Variants in AOPEP observed in about 807,000 individuals in gnomAD.
The protein encoded by AOPEP is aminopeptidase O (putative).
A neutral mutation model predicts 98.1 loss-of-function variants in AOPEP; 77 were observed. That is an observed-to-expected ratio of 0.78 (90% CI 0.65 to 0.95). The LOEUF is 0.95. AOPEP is among the 40% of genes least tolerant of loss of function. The pLI is 0.00. For missense variants in AOPEP, 1,024 were observed against 1,024.7 expected (o/e 1.00, Z 0.01); for synonymous variants, 346 against 365.3 (o/e 0.95, Z 0.60).
At chr9:95,136,515 CG>C in the AOPEP span, among the ~76,000 whole-genome samples, 1 of 151,908 alleles carries the variant, frequency 6.6e-6, no homozygotes, top group African/African-American at 2.4e-5. Flanking sequence ...GATGCAAAGT[CG>C]TGCTCTCTCA....
the AOPEP span, chr9:95,117,292 G>A: frequency 4.4e-6 from 7 of 1,608,056 alleles, no homozygotes; most frequent in Non-Finnish European, 6.0e-6. Context: ...ATTCTGATGT[G>A]GGCAAAGTCA....
chr9:94,992,670 C>T (rs1226504400), intron 11 of AOPEP, among the ~76,000 whole-genome samples: 3 of 152,162 alleles, frequency 2.0e-5, no homozygotes, highest in Non-Finnish European at 4.4e-5. Flanking sequence ...TAGCAGTGGG[C>T]GAGCCACTTG....
At chr9:95,017,824 G>C (rs1440302432) in intron 13 of AOPEP, among the ~76,000 whole-genome samples, 1 of 152,150 alleles carries the variant, frequency 6.6e-6, no homozygotes, top group Admixed American at 6.5e-5. Flanking sequence ...CTAGCCCCAG[G>C]CAAGTACTAG....
intron 14 of AOPEP, among the ~76,000 whole-genome samples, chr9:95,077,122 G>A (rs1222124028): frequency 6.6e-6 from 1 of 152,144 alleles, no homozygotes; most frequent in Non-Finnish European, 1.5e-5. Flanking sequence ...CCCTGCAGAC[G>A]GCCCTCTGTG....
chr9:94,844,130 A>G (rs953650088), intron 5 of AOPEP, among the ~76,000 whole-genome samples: 15 of 152,162 alleles, frequency 9.9e-5, no homozygotes, highest in African/African-American at 3.6e-4. Context: ...ATCTCGGCTC[A>G]CTGCAACCTC....
intron 7 of AOPEP, among the ~76,000 whole-genome samples, chr9:94,937,035 C>T (rs1317244647): frequency 6.6e-6 from 1 of 152,148 alleles, no homozygotes; most frequent in South Asian, 2.1e-4. Flanking sequence ...ATGGAGGCTT[C>T]GTTATACAGA....
intron 2 of AOPEP, among the ~76,000 whole-genome samples, chr9:94,761,297 A>G (rs1346671244): frequency 6.6e-6 from 1 of 152,232 alleles, no homozygotes; most frequent in Non-Finnish European, 1.5e-5. Flanking sequence ...ACCTTGCTCT[A>G]ACAATTGTTC....
At chr9:95,000,137 GACA>G (rs2061472554) in intron 11 of AOPEP, among the ~76,000 whole-genome samples, 1 of 152,064 alleles carries the variant, frequency 6.6e-6, no homozygotes, top group Admixed American at 6.6e-5. Context: ...AAAAAACAAT[GACA>G]ACAACAACTA....
chr9:94,979,755 T>TG (rs11394969), intron 11 of AOPEP, among the ~76,000 whole-genome samples: 11,782 of 150,482 alleles, frequency 0.078, 1,151 homozygotes, highest in African/African-American at 0.23. Context: ...GGGCAGGTGG[T>TG]GGGGGGGCAG....
chr9:95,016,328 A>G (rs1251254409), intron 13 of AOPEP, among the ~76,000 whole-genome samples: 3 of 143,756 alleles, frequency 2.1e-5, no homozygotes, highest in African/African-American at 7.8e-5. Flanking sequence ...CTGCAACGTC[A>G]GCCTCCCGGG....
chr9:95,000,168 GA>G (rs1294778979), intron 11 of AOPEP, among the ~76,000 whole-genome samples: 1 of 152,124 alleles, frequency 6.6e-6, no homozygotes, highest in East Asian at 1.9e-4. Context: ...ATTTAAGAGA[GA>G]GACAAAATGG....
the AOPEP span, among the ~76,000 whole-genome samples, chr9:95,094,603 GATTTC>G: frequency 4.6e-5 from 7 of 152,196 alleles, no homozygotes; most frequent in Non-Finnish European, 8.8e-5. Context: ...ATGTCTGGCT[GATTTC>G]ATTTAACATA....
At chr9:94,847,506 A>G (rs1588518379) in intron 5 of AOPEP, among the ~76,000 whole-genome samples, 1 of 152,224 alleles carries the variant, frequency 6.6e-6, no homozygotes, top group African/African-American at 2.4e-5. Flanking sequence ...TATTCTGTCA[A>G]TACGTTGTTA....
At chr9:94,741,575 C>G (rs961220242) in intron 1 of AOPEP, among the ~76,000 whole-genome samples, 7 of 152,112 alleles carry the variant, frequency 4.6e-5, no homozygotes, top group Admixed American at 4.6e-4. Context: ...CCGGCCTTCC[C>G]CCTTCTTTTT....
chr9:94,914,637 G>C (rs1242018166), intron 5 of AOPEP, among the ~76,000 whole-genome samples: 1 of 151,202 alleles, frequency 6.6e-6, no homozygotes, highest in Non-Finnish European at 1.5e-5. Context: ...AATTTTTAAT[G>C]TAATGTCAAA....
intron 3 of AOPEP, among the ~76,000 whole-genome samples, chr9:94,780,498 A>G (rs1449329806): frequency 6.6e-6 from 1 of 152,206 alleles, no homozygotes; most frequent in Non-Finnish European, 1.5e-5. Context: ...ATTAAGCTAG[A>G]CAAGATAAAA....
intron 7 of AOPEP, chr9:94,933,349 T>G (rs1401544869): frequency 1.0e-6 from 1 of 985,350 alleles, no homozygotes; most frequent in Non-Finnish European, 1.2e-6. Context: ...GGTGGCAGGG[T>G]CAGAAGAAAT....
At chr9:94,771,026 A>G (rs967810378) in intron 2 of AOPEP, among the ~76,000 whole-genome samples, 2 of 152,152 alleles carry the variant, frequency 1.3e-5, no homozygotes, top group South Asian at 4.1e-4. Flanking sequence ...CTCAGATTTG[A>G]CCTCATCTCA....
chr9:94,991,676 GT>G (rs1274083891), intron 11 of AOPEP, among the ~76,000 whole-genome samples: 1 of 152,174 alleles, frequency 6.6e-6, no homozygotes, highest in Non-Finnish European at 1.5e-5. Context: ...TCTTGAAGCT[GT>G]TTGTTCCTAT....
Sources: gnomAD v4.1 joint callset for allele counts (sites outside exome capture counted in the v4.1 genomes callset) on GRCh38, gnomAD v4.1.1 for gene constraint, MANE v1.5 for transcripts, NCBI Gene and HGNC (gene_info 2026-07-23, HGNC 2026-07-21) for gene names.